The following CBFA2T2 variants were observed in gnomAD, a reference collection of about 807,000 sequenced individuals.
CBFA2T2 encodes the protein CBFA2/RUNX1 partner transcriptional co-repressor 2.
A neutral mutation model predicts 62.2 loss-of-function variants in CBFA2T2; 11 were observed. That is an observed-to-expected ratio of 0.18 (90% CI 0.11 to 0.29). CBFA2T2 has a LOEUF of 0.29. CBFA2T2 is among the 10% of genes least tolerant of loss of function. CBFA2T2 has a pLI of 1.00. For synonymous variants in CBFA2T2, 295 were observed against 287.5 expected (o/e 1.03, Z -0.27); for missense variants, 592 against 774.1 (o/e 0.76, Z 2.79).
intron 3 of CBFA2T2, 38 bp from the exon 4 acceptor site, chr20:33,619,479 C>T: frequency 1.7e-6 from 2 of 1,205,212 alleles, no homozygotes; most frequent in South Asian, 3.2e-5. Flanking sequence ...TTTGGAAGTC[C>T]AGTTTTGGAA....
chr20:33,518,605 AC>A (rs1479296101), intron 1 of CBFA2T2, among the ~76,000 whole-genome samples: 16 of 145,984 alleles, frequency 1.1e-4, no homozygotes, highest in African/African-American at 4.3e-4. Flanking sequence ...TACTAAAAAT[AC>A]AAAAAAAAAA....
chr20:33,571,488 C>G (rs1166254521), intron 1 of CBFA2T2, among the ~76,000 whole-genome samples: 3 of 152,094 alleles, frequency 2.0e-5, no homozygotes, highest in Non-Finnish European at 4.4e-5. Context: ...TCTTTAAGTA[C>G]AGAAGTCTTA....
chr20:33,579,225 T>A (rs1475784722), intron 1 of CBFA2T2, among the ~76,000 whole-genome samples: 1 of 151,792 alleles, frequency 6.6e-6, no homozygotes, highest in Non-Finnish European at 1.5e-5. Context: ...AATTTTTAAA[T>A]TTTTATTCAA....
In CBFA2T2 at chr20:33,492,546, T is replaced by C. The variant is rs572091290; in HGVS notation, c.34+2245T>C. On this transcript the variant is annotated intron_variant, in intron 1 of 10. Transcript: ENST00000342704. ...TTTTTCCTTTTTTTGAGACAGTCTCTCTCTGTCACCCAGACTGGAGTGCAG... is the reference window on the plus strand; with the variant it reads ...TTTTTCCTTTTTTTGAGACAGTCTCCCTCTGTCACCCAGACTGGAGTGCAG... Among the ~76,000 whole-genome samples, 74 of 150,444 alleles carry C rather than the reference T, an allele frequency of 4.9e-4. 1 individual carries two copies. The highest frequency in any genetic ancestry group is 7.1e-4 in the Non-Finnish European group (48 of 67,998).
intron 1 of CBFA2T2, among the ~76,000 whole-genome samples, chr20:33,593,391 A>ATT (rs754319345): frequency 0.12 from 13,602 of 109,778 alleles, 1,184 homozygotes; most frequent in East Asian, 0.32. Flanking sequence ...TCTTGACTGG[A>ATT]TTTTTTTTTT....
At chr20:33,607,343 CTA>C (rs2015378894) in intron 2 of CBFA2T2, among the ~76,000 whole-genome samples, 1 of 152,106 alleles carries the variant, frequency 6.6e-6, no homozygotes, top group Non-Finnish European at 1.5e-5. Context: ...TGGCTGGTAA[CTA>C]TTTTTATTTC....
intron 8 of CBFA2T2, among the ~76,000 whole-genome samples, chr20:33,630,846 C>T (rs2016420141): frequency 6.6e-6 from 1 of 152,110 alleles, no homozygotes; most frequent in South Asian, 2.1e-4. Context: ...TGAGGCAAAG[C>T]CAGAATTAAT....
intron 1 of CBFA2T2, among the ~76,000 whole-genome samples, chr20:33,540,060 G>A (rs190037431): frequency 5.3e-5 from 8 of 152,152 alleles, no homozygotes; most frequent in Admixed American, 6.6e-5. Flanking sequence ...GTTTTTGTTT[G>A]ATTAAAAGTA....
intron 1 of CBFA2T2, among the ~76,000 whole-genome samples, chr20:33,529,886 T>C (rs974804341): frequency 6.6e-6 from 1 of 150,600 alleles, no homozygotes; most frequent in Non-Finnish European, 1.5e-5. Flanking sequence ...CTGGGTTCAA[T>C]TGATTCTCCT....
At chr20:33,640,934 T>C (rs1263204543) in intron 10 of CBFA2T2, among the ~76,000 whole-genome samples, 2 of 152,154 alleles carry the variant, frequency 1.3e-5, no homozygotes, top group Non-Finnish European at 2.9e-5. Context: ...TGGCCCTAAT[T>C]TGCAGATGAG....
chr20:33,537,827 A>G (rs2012307388), intron 1 of CBFA2T2, among the ~76,000 whole-genome samples: 1 of 151,784 alleles, frequency 6.6e-6, no homozygotes, highest in African/African-American at 2.4e-5. Flanking sequence ...CTGTTTCTGG[A>G]CTCTGTTCCA....
intron 1 of CBFA2T2, among the ~76,000 whole-genome samples, chr20:33,491,862 C>T (rs555266370): frequency 3.3e-5 from 5 of 151,848 alleles, no homozygotes; most frequent in East Asian, 1.9e-4. Flanking sequence ...CCACCACGCT[C>T]GGCCAATTAT....
Position 33,501,345 on chromosome 20 carries a change from G to A in CBFA2T2, c.34+11044G>A, listed in dbSNP as rs547895648. On this transcript the variant is annotated intron_variant, in intron 1 of 10. Coordinates refer to ENST00000342704, the MANE Select transcript of CBFA2T2 (RefSeq NM_001032999.3). ...ATTTAGCCATCTCCATGCAGAGGTC[G>A]TGCCTGCTTTTAATTTTTCGAAGCC... 5.3e-5 allele frequency among the ~76,000 whole-genome samples: 8 copies of A among 152,190 alleles called. No homozygotes were observed. The South Asian group carries it at 6.2e-4, about 12-fold the overall frequency.
chr20:33,630,509 A>G (rs1034317369), intron 8 of CBFA2T2, among the ~76,000 whole-genome samples: 3 of 151,874 alleles, frequency 2.0e-5, no homozygotes, highest in African/African-American at 4.8e-5. Context: ...CACTCAATCC[A>G]CCATGGCCTG....
chr20:33,578,158 T>C lies in CBFA2T2; in HGVS notation c.35-28798T>C, dbSNP rs2013918501. ...TCAAAATATCAATTGTTAATATTCA[T>C]ATTTATTTTTTCCTTTACAGCTGAC... is the stretch of plus-strand genomic sequence containing the variant. On this transcript the variant is annotated intron_variant, in intron 1 of 10. Coordinates refer to ENST00000342704, the MANE Select transcript of CBFA2T2 (RefSeq NM_001032999.3). Among the ~76,000 whole-genome samples the C allele has an allele frequency of 2.6e-5, 4 of 152,360 alleles. No homozygotes were observed. The South Asian group carries it at 8.3e-4, about 32-fold the overall frequency.
chr20:33,611,943 A>G (rs968950010), intron 3 of CBFA2T2, among the ~76,000 whole-genome samples: 1 of 152,200 alleles, frequency 6.6e-6, no homozygotes, highest in African/African-American at 2.4e-5. Context: ...GTGTCCAACC[A>G]AGTTAATGCA....
At chr20:33,637,670 CTT>C (rs561146788) in intron 9 of CBFA2T2, among the ~76,000 whole-genome samples, 15 of 141,858 alleles carry the variant, frequency 1.1e-4, no homozygotes, top group South Asian at 2.2e-4. Flanking sequence ...CTCACTTTTC[CTT>C]TTTTTTTTTT....
At chr20:33,634,101 TGGAATTACA>T (rs1461639840) in intron 8 of CBFA2T2, among the ~76,000 whole-genome samples, 2 of 152,136 alleles carry the variant, frequency 1.3e-5, no homozygotes, top group Admixed American at 6.5e-5. Context: ...CCCAAGTAGC[TGGAATTACA>T]GGTGCTTGCC....
intron 1 of CBFA2T2, among the ~76,000 whole-genome samples, chr20:33,543,309 G>A (rs2012455520): frequency 6.6e-6 from 1 of 151,996 alleles, no homozygotes; most frequent in Non-Finnish European, 1.5e-5. Context: ...CGTGCCCGGC[G>A]AAAAATTATT....
Sources: allele counts gnomAD v4.1 joint callset (sites outside exome capture counted in the v4.1 genomes callset), GRCh38; gene constraint gnomAD v4.1.1; transcripts MANE v1.5; gene names NCBI Gene and HGNC (gene_info 2026-07-23, HGNC 2026-07-21).